KANK1: variants seen among roughly 807,000 people sequenced by gnomAD.
The protein encoded by KANK1 is KN motif and ankyrin repeat domains 1.
A neutral mutation model predicts 106.2 loss-of-function variants in KANK1; 109 were observed. That is an observed-to-expected ratio of 1.03 (90% CI 0.88 to 1.20). KANK1 has a LOEUF of 1.20. Among genes scored for constraint, KANK1 ranks in the 50% most tolerant of loss-of-function variants. KANK1 has a pLI of 0.00. For missense variants in KANK1, 2,399 were observed against 1,710.7 expected (o/e 1.40, Z -7.10); for synonymous variants, 873 against 652.2 (o/e 1.34, Z -5.16).
chr9:480,999 C>G (rs1363454282), intron 3 of KANK1, among the ~76,000 whole-genome samples: 1 of 152,180 alleles, frequency 6.6e-6, no homozygotes, highest in Non-Finnish European at 1.5e-5. Context: ...TTTAGTACAC[C>G]TAACCTACCA....
intron 1 of KANK1, among the ~76,000 whole-genome samples, chr9:508,447 C>G (rs981395688): frequency 5.9e-5 from 9 of 152,200 alleles, no homozygotes; most frequent in Non-Finnish European, 1.3e-4. Flanking sequence ...TGTAGCTATA[C>G]ATCTTAAGAG....
At chr9:585,927 G>T (rs531925572) in intron 1 of KANK1, among the ~76,000 whole-genome samples, 2 of 152,318 alleles carry the variant, frequency 1.3e-5, no homozygotes, top group South Asian at 4.1e-4. Flanking sequence ...GTTTATATGT[G>T]ATGGAAGAGA....
intron 1 of KANK1, among the ~76,000 whole-genome samples, chr9:654,177 AAG>A (rs1841561026): frequency 6.6e-6 from 1 of 152,176 alleles, no homozygotes; most frequent in Admixed American, 6.5e-5. Context: ...GACTTACCTG[AAG>A]AGTCTCTGAT....
intron 1 of KANK1, among the ~76,000 whole-genome samples, chr9:565,821 C>A (rs1051922964): frequency 6.6e-6 from 1 of 152,172 alleles, no homozygotes; most frequent in African/African-American, 2.4e-5. Flanking sequence ...AATCTTGTGA[C>A]TTCCAGAACA....
intron 1 of KANK1, among the ~76,000 whole-genome samples, chr9:573,554 G>C (rs1203488892): frequency 6.6e-6 from 1 of 152,148 alleles, no homozygotes; most frequent in African/African-American, 2.4e-5. Flanking sequence ...ACAGGCATGA[G>C]CCACCGCGCC....
intron 1 of KANK1, among the ~76,000 whole-genome samples, chr9:555,341 A>AC (rs1277313169): frequency 2.6e-5 from 4 of 152,126 alleles, no homozygotes; most frequent in African/African-American, 9.7e-5. Flanking sequence ...TACCTTCCAC[A>AC]CCATGTACAT....
intron 1 of KANK1, among the ~76,000 whole-genome samples, chr9:628,509 G>C (rs1199250019): frequency 6.6e-6 from 1 of 152,192 alleles, no homozygotes; most frequent in Non-Finnish European, 1.5e-5. Flanking sequence ...CATTTCTTCA[G>C]TGTCTGCCTC....
chr9:528,101 C>G (rs902214290), intron 1 of KANK1, among the ~76,000 whole-genome samples: 8 of 151,306 alleles, frequency 5.3e-5, no homozygotes, highest in Non-Finnish European at 2.9e-5. Flanking sequence ...CCACTGCACT[C>G]CATCGAGCCT....
chr9:584,255 A>T (rs370343365), intron 1 of KANK1, among the ~76,000 whole-genome samples: 14 of 150,330 alleles, frequency 9.3e-5, no homozygotes, highest in African/African-American at 3.5e-4. Flanking sequence ...AGTTACAAGT[A>T]ATATCATATG....
At chr9:558,796 G>A (rs1296240069) in intron 1 of KANK1, 1 of 151,800 alleles carries the variant, frequency 6.6e-6, no homozygotes, top group Non-Finnish European at 1.5e-5. Context: ...CTGGGTACAT[G>A]TATGTGGAGT....
chr9:631,980 G>A (rs1264391701), intron 1 of KANK1, among the ~76,000 whole-genome samples: 1 of 152,136 alleles, frequency 6.6e-6, no homozygotes, highest in Non-Finnish European at 1.5e-5. Flanking sequence ...ATTACAGTAT[G>A]CCATGATAAC....
At chr9:655,942 C>T (rs554541349) in intron 1 of KANK1, among the ~76,000 whole-genome samples, 1 of 152,318 alleles carries the variant, frequency 6.6e-6, no homozygotes, top group South Asian at 2.1e-4. Flanking sequence ...CCAGGATTCA[C>T]GGAGTTTGAG....
intron 1 of KANK1, among the ~76,000 whole-genome samples, chr9:571,668 G>C (rs1263808358): frequency 6.6e-6 from 1 of 152,100 alleles, no homozygotes; most frequent in Non-Finnish European, 1.5e-5. Context: ...TTTACATTTA[G>C]AGACTTAACA....
At chr9:472,230 C>G (rs2058034769) in intron 2 of KANK1, among the ~76,000 whole-genome samples, 1 of 152,226 alleles carries the variant, frequency 6.6e-6, no homozygotes, top group Admixed American at 6.5e-5. Flanking sequence ...TTTCCCTGAC[C>G]TCCCCTCAAG....
At chr9:673,912 G>C (rs1815817892) in intron 1 of KANK1, 1 of 152,130 alleles carries the variant, frequency 6.6e-6, no homozygotes, top group Admixed American at 6.5e-5. Flanking sequence ...GTGGTTGTTA[G>C]CTTTTAAAAG....
chr9:509,124 G>A (rs527566027), intron 1 of KANK1, among the ~76,000 whole-genome samples: 2 of 152,136 alleles, frequency 1.3e-5, no homozygotes, highest in Non-Finnish European at 1.5e-5. Context: ...TTTGGAGGCG[G>A]AGTCTTGCTC....
intron 1 of KANK1, among the ~76,000 whole-genome samples, chr9:598,697 C>T (rs1206988152): frequency 7.9e-6 from 1 of 127,030 alleles, no homozygotes; most frequent in Non-Finnish European, 1.5e-5. Context: ...GTGGCACGAC[C>T]TCGGCTCACT....
At chr9:508,448 A>G (rs926886948) in intron 1 of KANK1, among the ~76,000 whole-genome samples, 10 of 152,196 alleles carry the variant, frequency 6.6e-5, no homozygotes, top group African/African-American at 2.4e-4. Flanking sequence ...GTAGCTATAC[A>G]TCTTAAGAGT....
In KANK1 at chr9:693,098, G is replaced by A. The variant is rs916033313; in HGVS notation, c.37+16089G>A. 5.3e-5 allele frequency among the ~76,000 whole-genome samples: 8 copies of A among 152,184 alleles called. No homozygotes were observed. In the East Asian group the frequency reaches 9.6e-4, roughly 18 times the overall value. Reference sequence around the variant, plus strand: ...TTTGAAACAAAAACAAAGGTTGCTCGAAGATGTTATGAATAAAATGTTTAA... The same window carrying A: ...TTTGAAACAAAAACAAAGGTTGCTCAAAGATGTTATGAATAAAATGTTTAA... On this transcript the variant is annotated intron_variant, in intron 2 of 11. Coordinates refer to ENST00000382297, the MANE Select transcript of KANK1 (RefSeq NM_015158.5).
Sources: allele counts gnomAD v4.1 joint callset (sites outside exome capture counted in the v4.1 genomes callset), GRCh38; gene constraint gnomAD v4.1.1; transcripts MANE v1.5; gene names NCBI Gene and HGNC (gene_info 2026-07-23, HGNC 2026-07-21).